Variants in LRP1B observed in about 807,000 individuals in gnomAD.
LRP1B encodes the protein LDL receptor related protein 1B.
In LRP1B, 217 loss-of-function variants were observed where a neutral mutation model predicts 556.6. The ratio of observed to expected loss-of-function variants is 0.39; its 90% CI spans 0.35 to 0.44. The LOEUF (loss-of-function observed/expected upper bound fraction) is 0.44. LRP1B is among the 20% of genes least tolerant of loss of function. The pLI, the probability that LRP1B is intolerant of heterozygous loss-of-function variation, is 1.00. For missense variants in LRP1B, 5,053 were observed against 5,620.8 expected, an observed-to-expected ratio of 0.90 and a Z score of 3.23; for synonymous variants, 2,047 against 1,865.8, an observed-to-expected ratio of 1.10 and a Z score of -2.50.
chr2:140,628,053 C>T (rs1053409179), intron 41 of LRP1B, among the ~76,000 whole-genome samples: 1 of 152,110 alleles, frequency 6.6e-6, no homozygotes, highest in South Asian at 2.1e-4. Flanking sequence ...ACAGAGGCAC[C>T]AAGCCATTAC....
chr2:141,387,764 C>G (rs1178567890), intron 3 of LRP1B, among the ~76,000 whole-genome samples: 1 of 152,094 alleles, frequency 6.6e-6, no homozygotes, highest in Non-Finnish European at 1.5e-5. Context: ...ACTTCTTAGA[C>G]TCTTCTGAAA....
At chr2:141,720,109 TG>T (rs1373135541) in intron 2 of LRP1B, among the ~76,000 whole-genome samples, 2 of 152,164 alleles carry the variant, frequency 1.3e-5, no homozygotes, top group Non-Finnish European at 2.9e-5. Context: ...ATTCACAATA[TG>T]TTGGTGTATA....
rs374251602 is a variant in LRP1B, at chr2:140,789,786, A to C, written c.5360-13548T>G. Among the ~76,000 whole-genome samples the C allele has an allele frequency of 3.6e-4, 54 of 149,430 alleles. No individual in the cohort carries two copies. In the South Asian group the frequency reaches 0.011, roughly 31 times the overall value. On this transcript the variant is annotated intron_variant, in intron 32 of 90. Coordinates refer to ENST00000389484, the MANE Select transcript of LRP1B (RefSeq NM_018557.3). ...GCTGGGACTACAGGCGCCCGCCACT[A>C]CGCCCGGCTAATTTTTTGTATTTTT... is the stretch of plus-strand genomic sequence containing the variant.
At chr2:142,031,613 A>G (rs981765799) in intron 1 of LRP1B, among the ~76,000 whole-genome samples, 14 of 136,774 alleles carry the variant, frequency 1.0e-4, no homozygotes, top group Admixed American at 9.3e-4. Flanking sequence ...ATTGTCAACT[A>G]AAAAAAAAAT....
chr2:140,975,088 C>G (rs1255578523), intron 18 of LRP1B, among the ~76,000 whole-genome samples: 1 of 152,150 alleles, frequency 6.6e-6, no homozygotes, highest in Non-Finnish European at 1.5e-5. Context: ...TTAGCAAAGA[C>G]AGCAAACCTT....
chr2:141,551,677 CT>C (rs1247181658), intron 2 of LRP1B, among the ~76,000 whole-genome samples: 1 of 151,960 alleles, frequency 6.6e-6, no homozygotes, highest in Non-Finnish European at 1.5e-5. Context: ...AAAGGAGTGG[CT>C]TTTACATTAA....
At chr2:140,502,854 G>A (rs1263229458) in intron 54 of LRP1B, 109 bp downstream of exon 54, 4 of 1,067,422 alleles carry the variant, frequency 3.7e-6, no homozygotes, top group East Asian at 4.9e-5. Context: ...AACATCACAT[G>A]CTTAATAATT....
intron 2 of LRP1B, among the ~76,000 whole-genome samples, chr2:141,614,304 T>C (rs1688220462): frequency 6.6e-6 from 1 of 152,022 alleles, no homozygotes; most frequent in African/African-American, 2.4e-5. Flanking sequence ...TCCTGTAAAA[T>C]GAGAATAACC....
chr2:140,543,408 T>A (rs1270944822), intron 43 of LRP1B, among the ~76,000 whole-genome samples: 1 of 151,968 alleles, frequency 6.6e-6, no homozygotes, highest in Non-Finnish European at 1.5e-5. Flanking sequence ...TAATACATCA[T>A]GATAAAATTA....
chr2:140,979,187 C>G (rs1380387469), intron 18 of LRP1B, among the ~76,000 whole-genome samples: 1 of 152,022 alleles, frequency 6.6e-6, no homozygotes, highest in Non-Finnish European at 1.5e-5. Context: ...CCATGTTAGC[C>G]AGGCTAGTCT....
chr2:141,613,827 C>G (rs545025737), intron 2 of LRP1B, among the ~76,000 whole-genome samples: 10 of 152,138 alleles, frequency 6.6e-5, no homozygotes, highest in African/African-American at 1.9e-4. Flanking sequence ...AATCCCAGCA[C>G]TTTGGGAGGC....
chr2:141,828,939 C>T (rs7591094), intron 1 of LRP1B, among the ~76,000 whole-genome samples: 41,493 of 151,822 alleles, frequency 0.27, 5,790 homozygotes, highest in Admixed American at 0.33. Flanking sequence ...AATTGTATCA[C>T]CTCGGTCCAG....
At chr2:140,540,722 C>A (rs976996983) in intron 45 of LRP1B, among the ~76,000 whole-genome samples, 4 of 147,902 alleles carry the variant, frequency 2.7e-5, no homozygotes. Context: ...CTCTAGCTAG[C>A]CCCAGCACTT....
intron 47 of LRP1B, among the ~76,000 whole-genome samples, chr2:140,532,740 A>G (rs140070974): frequency 1.3e-4 from 19 of 151,914 alleles, no homozygotes; most frequent in African/African-American, 4.6e-4. Context: ...CTGTGACTAT[A>G]TCAAATTACT....
At chr2:141,150,572 C>T (rs539067918) in intron 7 of LRP1B, among the ~76,000 whole-genome samples, 39 of 152,206 alleles carry the variant, frequency 2.6e-4, no homozygotes, top group Admixed American at 2.0e-3. Flanking sequence ...TTCTTTGCTA[C>T]GAGAAAGTTA....
chr2:141,541,661 A>T (rs1685265541), intron 2 of LRP1B, among the ~76,000 whole-genome samples: 1 of 152,050 alleles, frequency 6.6e-6, no homozygotes, highest in Non-Finnish European at 1.5e-5. Flanking sequence ...AAACAAGATC[A>T]AGTTGTTATT....
At chr2:140,641,182 C>T (rs550666100) in intron 41 of LRP1B, among the ~76,000 whole-genome samples, 5 of 152,116 alleles carry the variant, frequency 3.3e-5, no homozygotes, top group South Asian at 2.1e-4. Flanking sequence ...CTTTTGCAGA[C>T]GGCTGTTCTT....
At chr2:141,480,638 GA>G in intron 2 of LRP1B, 105 bp from the exon 3 acceptor site, 1 of 1,110,352 alleles carries the variant, frequency 9.0e-7, no homozygotes, top group Non-Finnish European at 1.4e-6. Context: ...CAAAACTATA[GA>G]AAATACTGTA....
At chr2:141,995,557 TACTC>T (rs1209615868) in intron 1 of LRP1B, among the ~76,000 whole-genome samples, 2 of 152,156 alleles carry the variant, frequency 1.3e-5, no homozygotes, top group Non-Finnish European at 2.9e-5. Flanking sequence ...TTAATTCACA[TACTC>T]ACAGGCTCTA....
Sources: gnomAD v4.1 joint callset for allele counts (sites outside exome capture counted in the v4.1 genomes callset) on GRCh38, gnomAD v4.1.1 for gene constraint, MANE v1.5 for transcripts, NCBI Gene and HGNC (gene_info 2026-07-23, HGNC 2026-07-21) for gene names.